The following FHIT variants were observed in gnomAD, a reference collection of about 807,000 sequenced individuals.
FHIT encodes bis(5'-adenosyl)-triphosphatase.
FHIT carries 19 observed loss-of-function variants against 17.9 expected under a neutral mutation model. That is an observed-to-expected ratio of 1.06 (90% CI 0.74 to 1.56). The LOEUF (loss-of-function observed/expected upper bound fraction) is 1.56. FHIT is among the 40% of genes most tolerant of loss of function. The probability of loss-of-function intolerance (pLI) is 0.00; values close to 1 mark genes in which losing one functional copy is unlikely to be tolerated. For synonymous variants in FHIT, 81 were observed against 69.7 expected (o/e 1.16, Z -0.81); for missense variants, 248 against 189.2 (o/e 1.31, Z -1.82).
At chr3:60,338,194 A>T (rs1559832443) in intron 5 of FHIT, among the ~76,000 whole-genome samples, 1 of 152,152 alleles carries the variant, frequency 6.6e-6, no homozygotes, top group Non-Finnish European at 1.5e-5. Flanking sequence ...CTCAAATTCC[A>T]CCACATTCCA....
chr3:61,166,366 C>T (rs553801291), intron 2 of FHIT, among the ~76,000 whole-genome samples: 131 of 152,308 alleles, frequency 8.6e-4, no homozygotes, highest in Non-Finnish European at 1.5e-3. Context: ...CTCTACTCCT[C>T]GTCTATACTT....
intron 4 of FHIT, among the ~76,000 whole-genome samples, chr3:60,750,143 G>A (rs1014309724): frequency 6.6e-6 from 1 of 152,126 alleles, no homozygotes; most frequent in African/African-American, 2.4e-5. Context: ...GGGATGGAGG[G>A]CAATGGAGGA....
intron 5 of FHIT, among the ~76,000 whole-genome samples, chr3:60,279,589 G>A (rs1055625683): frequency 1.3e-5 from 2 of 151,954 alleles, no homozygotes; most frequent in South Asian, 4.2e-4. Flanking sequence ...AGCAAAATCA[G>A]AATACACGTG....
At chr3:60,387,588 C>T (rs908899859) in intron 5 of FHIT, among the ~76,000 whole-genome samples, 5 of 152,084 alleles carry the variant, frequency 3.3e-5, no homozygotes, top group African/African-American at 9.7e-5. Context: ...TCTCTCCCCC[C>T]TCACCTTTCT....
intron 5 of FHIT, among the ~76,000 whole-genome samples, chr3:60,195,558 T>TATATA (rs1702595556): frequency 7.1e-6 from 1 of 141,740 alleles, no homozygotes; most frequent in Non-Finnish European, 1.5e-5. Context: ...TATATATATA[T>TATATA]ATTTATATTT....
chr3:59,867,873 T>C (rs1487048808), intron 8 of FHIT, among the ~76,000 whole-genome samples: 3 of 151,756 alleles, frequency 2.0e-5, no homozygotes, highest in Non-Finnish European at 4.4e-5. Flanking sequence ...GAAGGCAGAG[T>C]ACTCTAATAA....
chr3:60,106,901 C>G (rs1704442093), intron 5 of FHIT, among the ~76,000 whole-genome samples: 1 of 152,060 alleles, frequency 6.6e-6, no homozygotes, highest in Non-Finnish European at 1.5e-5. Context: ...TTTGGCATCC[C>G]TTAGAAATGT....
chr3:59,794,315 C>T (rs576383027), intron 8 of FHIT, among the ~76,000 whole-genome samples: 53 of 152,270 alleles, frequency 3.5e-4, no homozygotes, highest in Admixed American at 5.2e-4. Context: ...CAATTGAAAA[C>T]GCACCAGGAC....
intron 5 of FHIT, among the ~76,000 whole-genome samples, chr3:60,498,253 G>C (rs1300153185): frequency 6.6e-6 from 1 of 152,088 alleles, no homozygotes; most frequent in Non-Finnish European, 1.5e-5. Context: ...GTTTTAATCA[G>C]TGTAAAAATT....
intron 5 of FHIT, among the ~76,000 whole-genome samples, chr3:60,431,548 A>T (rs966785839): frequency 6.6e-6 from 1 of 152,044 alleles, no homozygotes; most frequent in Non-Finnish European, 1.5e-5. Flanking sequence ...TGCTTTCAAT[A>T]TTATTTAAGT....
At chr3:59,950,038 G>A (rs1707036300) in intron 7 of FHIT, among the ~76,000 whole-genome samples, 1 of 152,126 alleles carries the variant, frequency 6.6e-6, no homozygotes, top group Non-Finnish European at 1.5e-5. Context: ...AGACATAGGG[G>A]TCAATTCTAG....
At chr3:59,953,759 A>T (rs901016329) in intron 7 of FHIT, among the ~76,000 whole-genome samples, 3 of 151,778 alleles carry the variant, frequency 2.0e-5, no homozygotes, top group Non-Finnish European at 4.4e-5. Flanking sequence ...CATGTCAAAA[A>T]CCTCTGAATC....
chr3:61,202,738 A>C (rs1253022800), intron 1 of FHIT, among the ~76,000 whole-genome samples: 1 of 152,222 alleles, frequency 6.6e-6, no homozygotes, highest in African/African-American at 2.4e-5. Context: ...GCAAAAGAAC[A>C]TGTCATTAGC....
chr3:61,189,737 C>T (rs62268816), intron 2 of FHIT, among the ~76,000 whole-genome samples: 33,063 of 140,126 alleles, frequency 0.24, 4,414 homozygotes, highest in East Asian at 0.7. Context: ...AAAACAGAGA[C>T]ATAGATCAAT....
chr3:60,531,081 G>C (rs1190541441), intron 5 of FHIT, among the ~76,000 whole-genome samples: 5 of 152,124 alleles, frequency 3.3e-5, no homozygotes, highest in African/African-American at 7.2e-5. Context: ...CACTACAATG[G>C]ACAGCAATAT....
intron 4 of FHIT, chr3:60,618,192 T>C (rs1329080221): frequency 2.0e-5 from 3 of 153,198 alleles, no homozygotes; most frequent in African/African-American, 7.2e-5. Flanking sequence ...CAGATATATA[T>C]ATGTAATAAT....
intron 5 of FHIT, among the ~76,000 whole-genome samples, chr3:60,133,329 G>C (rs931976659): frequency 3.3e-5 from 5 of 152,104 alleles, no homozygotes; most frequent in African/African-American, 1.2e-4. Flanking sequence ...ACTGGAAACT[G>C]AGTAATAAAA....
At chr3:60,580,922 G>A (rs1203932154) in intron 4 of FHIT, among the ~76,000 whole-genome samples, 4 of 151,998 alleles carry the variant, frequency 2.6e-5, no homozygotes, top group African/African-American at 9.7e-5. Flanking sequence ...GATTAGAACA[G>A]GGCTGCTCAA....
At chr3:60,911,371 GCACA>G (rs35183064) in intron 3 of FHIT, among the ~76,000 whole-genome samples, 11,146 of 148,998 alleles carry the variant, frequency 0.075, 1,353 homozygotes, top group African/African-American at 0.26. Flanking sequence ...TTCTTTGCAT[GCACA>G]CACACACACA....
Sources: allele counts gnomAD v4.1 joint callset (sites outside exome capture counted in the v4.1 genomes callset), GRCh38; gene constraint gnomAD v4.1.1; transcripts MANE v1.5; gene names NCBI Gene and HGNC (gene_info 2026-07-23, HGNC 2026-07-21).